The following NFILZ variants were observed in gnomAD, a reference collection of about 807,000 sequenced individuals.
The protein encoded by NFILZ is NFIL3 like basic leucine zipper.
rs983973152 is a variant in NFILZ, at chr19:8,630,917, T to G, written c.-411+173T>G. ...AACTACCTCCATCTCCCTTCTGGGATCTCATGATTGCCTTTAATTGGGGCC... is the reference window on the plus strand; with the variant it reads ...AACTACCTCCATCTCCCTTCTGGGAGCTCATGATTGCCTTTAATTGGGGCC... On this transcript the variant is annotated intron_variant, in intron 1 of 5. Transcript: ENST00000691075. Among the ~76,000 whole-genome samples the G allele has an allele frequency of 2.6e-4, 39 of 152,130 alleles. 1 individual carries two copies. Among genetic ancestry groups the G allele is most frequent in the Admixed American group, 1.2e-3 (19 of 15,272 alleles).
At chr19:8,658,437 G>T (rs1373749459) in intron 3 of NFILZ, among the ~76,000 whole-genome samples, 1 of 152,050 alleles carries the variant, frequency 6.6e-6, no homozygotes, top group Non-Finnish European at 1.5e-5. Flanking sequence ...TACCCACCAG[G>T]GGCCAGTAGC....
intron 3 of NFILZ, among the ~76,000 whole-genome samples, chr19:8,667,453 T>C (rs2043067491): frequency 6.6e-6 from 1 of 152,198 alleles, no homozygotes; most frequent in African/African-American, 2.4e-5. Flanking sequence ...GGGGTCTCCC[T>C]TGGATATTAA....
chr19:8,663,750 G>GTGTGTGTGTGTGTGTATGTGTGTGTA (rs2043047219), intron 3 of NFILZ, among the ~76,000 whole-genome samples: 2 of 136,968 alleles, frequency 1.5e-5, no homozygotes, highest in African/African-American at 5.5e-5. Context: ...GTGTGTGTGT[G>GTGTGTGTGTGTGTGTATGTGTGTGTA]TGTGTGTGTG....
At chr19:8,665,575 A>G (rs965876793) in intron 3 of NFILZ, among the ~76,000 whole-genome samples, 3 of 152,142 alleles carry the variant, frequency 2.0e-5, no homozygotes, top group Non-Finnish European at 4.4e-5. Context: ...TCCTGGCTTC[A>G]AGTGATCCTC....
intron 1 of NFILZ, among the ~76,000 whole-genome samples, chr19:8,632,020 C>A (rs189008862): frequency 6.6e-6 from 1 of 152,026 alleles, no homozygotes; most frequent in Non-Finnish European, 1.5e-5. Context: ...AGGTGCCTGC[C>A]GCCACACTCG....
chr19:8,680,585 C>T lies in NFILZ; in HGVS notation c.*2950C>T, dbSNP rs1192943298. On this transcript the variant is annotated 3_prime_UTR_variant, in exon 6 of 6. Transcript: ENST00000691075. ...TGAACACAATAGATGTGATTCCTGC[C>T]TCTATGGTACTGATAACCCAGGGAA... Among the ~76,000 whole-genome samples the T allele has an allele frequency of 1.3e-5, 2 of 151,980 alleles. No homozygotes were observed. Among genetic ancestry groups the T allele is most frequent in the South Asian group, 2.1e-4 (1 of 4,818 alleles).
At chr19:8,640,821 G>A (rs1163072639) in intron 3 of NFILZ, among the ~76,000 whole-genome samples, 1 of 152,170 alleles carries the variant, frequency 6.6e-6, no homozygotes, top group African/African-American at 2.4e-5. Context: ...CAAGGGGCAG[G>A]GGTGAGGAGA....
chr19:8,678,147 G>GTTCATCCA lies in NFILZ; in HGVS notation c.*513_*514insTCATCCAT, dbSNP rs2043125658. Among the ~76,000 whole-genome samples the GTTCATCCA allele has an allele frequency of 1.0e-4, 1 of 9,688 alleles. No homozygotes were observed. Among genetic ancestry groups the GTTCATCCA allele is most frequent in the Non-Finnish European group, 2.0e-4 (1 of 4,930 alleles). The allele number at this position is 9,688 out of a possible 152,430, so 6.4% of individuals were successfully genotyped here. On this transcript the variant is annotated 3_prime_UTR_variant, in exon 6 of 6. Transcript: ENST00000691075. ...CATCCCTCCATCCATTCATCCACTTGTCCGTCCATCCATCCATCCATCCAT... is the reference window on the plus strand; with the variant it reads ...CATCCCTCCATCCATTCATCCACTTGTTCATCCATCCGTCCATCCATCCATCCATCCAT...
At chr19:8,665,950 AG>A (rs1307012901) in intron 3 of NFILZ, among the ~76,000 whole-genome samples, 5 of 152,200 alleles carry the variant, frequency 3.3e-5, no homozygotes, top group African/African-American at 1.2e-4. Flanking sequence ...TTAGAGCAAA[AG>A]AAAAGCTTGT....
intron 1 of NFILZ, among the ~76,000 whole-genome samples, chr19:8,631,619 C>T (rs544387793): frequency 1.3e-5 from 2 of 152,122 alleles, no homozygotes; most frequent in Non-Finnish European, 2.9e-5. Flanking sequence ...CGCAGATTGG[C>T]CCTGTTCTTC....
At chr19:8,667,076 C>T (rs1451859077) in intron 3 of NFILZ, among the ~76,000 whole-genome samples, 12 of 152,024 alleles carry the variant, frequency 7.9e-5, no homozygotes, top group Admixed American at 7.9e-4. Context: ...TACCCACTGT[C>T]CCACCCTGCC....
At chr19:8,654,114 C>T (rs1156755936) in intron 3 of NFILZ, among the ~76,000 whole-genome samples, 4 of 152,054 alleles carry the variant, frequency 2.6e-5, no homozygotes, top group Non-Finnish European at 4.4e-5. Context: ...TGCCTGTAGT[C>T]CCAGCTAATC....
At position 8,635,166 on chromosome 19, in the gene NFILZ, C is replaced by T. The variant is rs1204089836; in HGVS notation, c.-260-484C>T. 2.6e-5 allele frequency among the ~76,000 whole-genome samples: 4 copies of T among 151,524 alleles called. No homozygotes were observed. The East Asian group carries it at 5.8e-4, about 22-fold the overall frequency. ...CTCTACTAAAAATACAAAAATTAGC[C>T]GGGCATGGTGGTGGGCACCTGTAAT... On this transcript the variant is annotated intron_variant, in intron 2 of 5. Coordinates refer to ENST00000691075, the MANE Select transcript of NFILZ (RefSeq NM_001378600.1).
rs528560002 is a variant in NFILZ, at chr19:8,676,446, C to A, written c.-26C>A. ...ACTGAGCCCTGGGCTTGTCTGCTGA[C>A]CTTCTCAACAGTAAGGAGAACACCC... is the stretch of plus-strand genomic sequence containing the variant. On this transcript the variant is annotated 5_prime_UTR_variant, in exon 5 of 6. Transcript: ENST00000691075. Among the ~76,000 whole-genome samples the A allele has an allele frequency of 6.6e-6, 1 of 152,212 alleles. No individual in the cohort carries two copies. Among genetic ancestry groups the A allele is most frequent in the Non-Finnish European group, 1.5e-5 (1 of 68,042 alleles).
chr19:8,667,578 C>T (rs781938738), intron 3 of NFILZ, among the ~76,000 whole-genome samples: 10 of 152,188 alleles, frequency 6.6e-5, no homozygotes, highest in South Asian at 2.1e-4. Context: ...GATGGAGTCT[C>T]GCTCTGTTGC....
chr19:8,631,675 C>T (rs905301265), intron 1 of NFILZ, among the ~76,000 whole-genome samples: 4 of 152,252 alleles, frequency 2.6e-5, no homozygotes, highest in Non-Finnish European at 4.4e-5. Context: ...TACATCCAGC[C>T]GCCAGGCCTT....
intron 3 of NFILZ, among the ~76,000 whole-genome samples, chr19:8,643,791 A>G (rs1444686924): frequency 1.3e-5 from 2 of 152,114 alleles, no homozygotes; most frequent in Non-Finnish European, 2.9e-5. Flanking sequence ...CTCAGCCTCC[A>G]TAATCAGATG....
chr19:8,661,757 T>A (rs1239970448), intron 3 of NFILZ, among the ~76,000 whole-genome samples: 1 of 152,014 alleles, frequency 6.6e-6, no homozygotes, highest in Non-Finnish European at 1.5e-5. Context: ...CCAGGCATGG[T>A]GGCGTGCGTC....
At chr19:8,663,987 G>C (rs574052022) in intron 3 of NFILZ, among the ~76,000 whole-genome samples, 1 of 152,224 alleles carries the variant, frequency 6.6e-6, no homozygotes, top group East Asian at 1.9e-4. Context: ...TGCAGAGAGG[G>C]AAAGGCAGAA....
Sources: allele counts gnomAD v4.1 joint callset (sites outside exome capture counted in the v4.1 genomes callset), GRCh38; gene constraint gnomAD v4.1.1; transcripts MANE v1.5; gene names NCBI Gene and HGNC (gene_info 2026-07-23, HGNC 2026-07-21).